SAMMSON: variants seen among roughly 807,000 people sequenced by gnomAD.
SAMMSON encodes survival associated mitochondrial melanoma specific oncogenic non-coding RNA.
intron 4 of SAMMSON, among the ~76,000 whole-genome samples, chr3:70,169,292 G>C (rs1356029834): frequency 6.6e-6 from 1 of 151,996 alleles, no homozygotes; most frequent in Non-Finnish European, 1.5e-5. Flanking sequence ...AATACACTAT[G>C]AAGTCATTGA....
At chr3:70,193,797 G>A (rs1701149820) in intron 4 of SAMMSON, among the ~76,000 whole-genome samples, 1 of 152,168 alleles carries the variant, frequency 6.6e-6, no homozygotes, top group Admixed American at 6.5e-5. Flanking sequence ...TTTGTTGAGA[G>A]AAAGAAACTT....
rs969366855 is a variant in SAMMSON at position 70,221,817 on chromosome 3, A to G, written n.508-27290A>G. ...AAGGTGGTCTTGCCATTTACAGGAC[A>G]TTGCTAAATTTTTTGGCTGGGGCAA... On this transcript the variant is annotated intron_variant and non_coding_transcript_variant, in intron 4 of 9. Transcript: ENST00000642114. Among the ~76,000 whole-genome samples the G allele has an allele frequency of 1.3e-4, 20 of 152,076 alleles. No homozygotes were observed. In the East Asian group the frequency reaches 2.0e-3, roughly 15 times the overall value.
intron 3 of SAMMSON, among the ~76,000 whole-genome samples, chr3:70,071,084 G>T (rs997300498): frequency 6.6e-6 from 1 of 151,920 alleles, no homozygotes; most frequent in Non-Finnish European, 1.5e-5. Flanking sequence ...GAATTTGGGG[G>T]TCTTATAGGT....
chr3:70,137,436 G>C (rs2067510482), intron 4 of SAMMSON, among the ~76,000 whole-genome samples: 1 of 152,140 alleles, frequency 6.6e-6, no homozygotes, highest in Admixed American at 6.5e-5. Flanking sequence ...AGTATTTCTT[G>C]ATGTGAAAAT....
intron 6 of SAMMSON, among the ~76,000 whole-genome samples, chr3:70,252,857 A>G (rs1575607222): frequency 6.6e-6 from 1 of 152,048 alleles, no homozygotes; most frequent in East Asian, 1.9e-4. Context: ...AGGCAGGCAG[A>G]TCACCTGAGG....
intron 2 of SAMMSON, among the ~76,000 whole-genome samples, chr3:70,396,471 C>G (rs554631602): frequency 6.6e-6 from 1 of 152,246 alleles, no homozygotes; most frequent in South Asian, 2.1e-4. Flanking sequence ...TTTACCCATT[C>G]AGCAAATATT....
At chr3:70,091,088 G>A (rs1448897669) in intron 4 of SAMMSON, among the ~76,000 whole-genome samples, 1 of 152,090 alleles carries the variant, frequency 6.6e-6, no homozygotes, top group Admixed American at 6.6e-5. Flanking sequence ...ATACAAATGG[G>A]GTGAATCGAC....
chr3:70,062,148 C>T (rs1305266592), intron 3 of SAMMSON, among the ~76,000 whole-genome samples: 1 of 152,022 alleles, frequency 6.6e-6, no homozygotes. Context: ...GCCCATGGTG[C>T]TGAGACACCC....
At chr3:70,070,829 G>A (rs922932039) in intron 3 of SAMMSON, among the ~76,000 whole-genome samples, 3 of 151,988 alleles carry the variant, frequency 2.0e-5, no homozygotes, top group Admixed American at 2.0e-4. Flanking sequence ...ACTGTCTATT[G>A]CCATTCAGAG....
chr3:70,405,106 A>C (rs1176619003), intron 2 of SAMMSON, among the ~76,000 whole-genome samples: 1 of 152,224 alleles, frequency 6.6e-6, no homozygotes, highest in Non-Finnish European at 1.5e-5. Flanking sequence ...GAGATACTCA[A>C]GTTTGAACCA....
At chr3:70,239,197 G>A (rs1319428621) in intron 4 of SAMMSON, among the ~76,000 whole-genome samples, 3 of 152,156 alleles carry the variant, frequency 2.0e-5, no homozygotes, top group Non-Finnish European at 4.4e-5. Context: ...TGTTGAGTAC[G>A]TACTCAGTTC....
At chr3:70,214,894 G>T (rs1363457510) in intron 4 of SAMMSON, among the ~76,000 whole-genome samples, 1 of 152,022 alleles carries the variant, frequency 6.6e-6, no homozygotes, top group Non-Finnish European at 1.5e-5. Flanking sequence ...GAAAAAAATA[G>T]TTAGCAGTTT....
At chr3:70,300,906 G>GT (rs1292526465) in intron 7 of SAMMSON, among the ~76,000 whole-genome samples, 2 of 151,710 alleles carry the variant, frequency 1.3e-5, no homozygotes, top group African/African-American at 4.8e-5. Context: ...TTATGTTGCT[G>GT]TTTTTAAAAA....
intron 4 of SAMMSON, among the ~76,000 whole-genome samples, chr3:70,181,734 C>T (rs1340119288): frequency 2.0e-5 from 3 of 152,210 alleles, no homozygotes; most frequent in Non-Finnish European, 4.4e-5. Flanking sequence ...TTGACTTTCT[C>T]ATGATCTGTA....
At chr3:70,100,718 C>G (rs145584865) in intron 4 of SAMMSON, among the ~76,000 whole-genome samples, 8 of 152,240 alleles carry the variant, frequency 5.3e-5, no homozygotes, top group Non-Finnish European at 1.0e-4. Flanking sequence ...CAAGGACATG[C>G]ATTGGGACAT....
At chr3:70,393,813 G>C (rs969439629), downstream of SAMMSON, among the ~76,000 whole-genome samples, 1 of 152,142 alleles carries the variant, frequency 6.6e-6, no homozygotes, top group Non-Finnish European at 1.5e-5. Context: ...AGCTCAGACA[G>C]GTGGTCTGGG....
intron 4 of SAMMSON, among the ~76,000 whole-genome samples, chr3:70,079,778 C>T (rs1195603455): frequency 3.3e-5 from 5 of 152,134 alleles, no homozygotes; most frequent in African/African-American, 1.2e-4. Context: ...CGAGAGGCAT[C>T]TGTACTAGAT....
chr3:70,279,756 T>C (rs1350243876), intron 6 of SAMMSON, among the ~76,000 whole-genome samples: 2 of 152,204 alleles, frequency 1.3e-5, no homozygotes, highest in African/African-American at 4.8e-5. Context: ...ATGGCATAAA[T>C]GCCATCCCTC....
chr3:70,028,473 T>A (rs947577499), intron 3 of SAMMSON, among the ~76,000 whole-genome samples: 10 of 152,148 alleles, frequency 6.6e-5, no homozygotes, highest in Non-Finnish European at 1.3e-4. Context: ...AGACTCTTGT[T>A]CTTTGAAAAG....
Sources: gnomAD v4.1 joint callset for allele counts (sites outside exome capture counted in the v4.1 genomes callset) on GRCh38, gnomAD v4.1.1 for gene constraint, MANE v1.5 for transcripts, NCBI Gene and HGNC (gene_info 2026-07-23, HGNC 2026-07-21) for gene names.